GVQW3: variants seen among roughly 807,000 people sequenced by gnomAD.
GVQW3 encodes GVQW motif containing 3.
Under a neutral mutation model 12.5 loss-of-function variants are expected in GVQW3, and 7 were observed. The ratio of observed to expected loss-of-function variants is 0.56; its 90% CI spans 0.32 to 1.05. GVQW3 has a LOEUF of 1.05. Ranked by LOEUF, GVQW3 falls within the 50% of genes least tolerant of loss-of-function variation. GVQW3 has a pLI of 0.04. For missense variants in GVQW3, 188 were observed against 190.8 expected, an observed-to-expected ratio of 0.99 and a Z score of 0.09; for synonymous variants, 71 against 67.2, an observed-to-expected ratio of 1.06 and a Z score of -0.28.
Position 76,404,233 on chromosome 11 carries a change from T to G in GVQW3, c.*475T>G. The G allele has an allele frequency of 2.6e-6, 1 of 379,614 alleles. No homozygotes were observed. The highest frequency in any genetic ancestry group is 4.7e-6 in the Non-Finnish European group (1 of 213,928). 23.5% of individuals were successfully genotyped at this position (379,614 alleles called of 1,614,324 possible). ...ACAGTGAACAATTGATTGAGATAAC[T>G]CACTACCTTTGGACCAGCCATCTCC... is the stretch of plus-strand genomic sequence containing the variant. On this transcript the variant is annotated 3_prime_UTR_variant, in exon 2 of 2. Coordinates refer to ENST00000529331, the MANE Select transcript of GVQW3 (RefSeq NM_001347885.2).
intron 1 of GVQW3, among the ~76,000 whole-genome samples, chr11:76,385,482 T>C (rs947045971): frequency 2.0e-5 from 3 of 152,194 alleles, no homozygotes; most frequent in Non-Finnish European, 2.9e-5. Context: ...TTCAGACACC[T>C]CTCAGTTTAT....
At chr11:76,388,128 T>C (rs993248069) in intron 1 of GVQW3, among the ~76,000 whole-genome samples, 1 of 152,164 alleles carries the variant, frequency 6.6e-6, no homozygotes, top group African/African-American at 2.4e-5. Flanking sequence ...ACACTAAAAC[T>C]GATGCCAAGC....
chr11:76,403,719 C>T lies in GVQW3; in HGVS notation c.525C>T (p.Leu175=). Residue 175 remains leucine, a synonymous_variant, in exon 2 of 2, where the codon CTC becomes CTT. Transcript: ENST00000529331. ...LVSNSLSQGI[L]PPWPPKALGL... is the part of the protein sequence containing the mutation. ...CGAACTCCTTGTCTCAAGGGATCCT[C>T]CCACCTTGGCCTCCCAAAGCTCTGG... The T allele has an allele frequency of 2.0e-6, 1 of 488,052 alleles. No individual in the cohort carries two copies. Among genetic ancestry groups the T allele is most frequent in the Non-Finnish European group, 3.7e-6 (1 of 271,582 alleles). 30.2% of individuals were successfully genotyped at this position (488,052 alleles called of 1,614,324 possible).
At chr11:76,401,601 C>T (rs1451861890) in intron 1 of GVQW3, among the ~76,000 whole-genome samples, 3 of 151,652 alleles carry the variant, frequency 2.0e-5, no homozygotes, top group Admixed American at 6.6e-5. Flanking sequence ...GGTGAAACCT[C>T]GTCTCTACTA....
intron 1 of GVQW3, among the ~76,000 whole-genome samples, chr11:76,389,168 G>A (rs1946866570): frequency 1.3e-5 from 2 of 152,150 alleles, no homozygotes; most frequent in South Asian, 4.2e-4. Context: ...TGACAGCATG[G>A]CAAAGTGCTT....
intron 1 of GVQW3, chr11:76,393,054 T>C (rs1478099339): frequency 6.6e-6 from 1 of 152,214 alleles, no homozygotes; most frequent in African/African-American, 2.4e-5. Flanking sequence ...ACTTCACTTA[T>C]AAATGCCGCT....
At chr11:76,413,924 G>C (rs1224366437) in exon 2 of GVQW3, 6 of 152,240 alleles carry the variant, frequency 3.9e-5, no homozygotes, top group Non-Finnish European at 7.3e-5. Flanking sequence ...CCAGGAGTAG[G>C]ATCACTGAGA....
intron 1 of GVQW3, among the ~76,000 whole-genome samples, chr11:76,398,649 G>C (rs1011873841): frequency 6.6e-6 from 1 of 152,044 alleles, no homozygotes; most frequent in African/African-American, 2.4e-5. Context: ...TTTTTATGGA[G>C]TTGGTCTTGC....
chr11:76,394,387 C>A (rs1444838223), intron 1 of GVQW3, among the ~76,000 whole-genome samples: 1 of 152,036 alleles, frequency 6.6e-6, no homozygotes, highest in Non-Finnish European at 1.5e-5. Context: ...TCTCTGTCTC[C>A]ATAAGTTCAT....
chr11:76,410,630 G>A (rs978269035), downstream of GVQW3, among the ~76,000 whole-genome samples: 1 of 152,204 alleles, frequency 6.6e-6, no homozygotes, highest in Non-Finnish European at 1.5e-5. Context: ...GGAGAGAGGC[G>A]TTTCTGAGGG....
In GVQW3 at chr11:76,407,511, AG is replaced by A. The variant is rs1947052093; in HGVS notation, c.*3755del. The A allele has an allele frequency of 7.6e-6, 1 of 131,620 alleles. No individual in the cohort carries two copies. Among genetic ancestry groups the A allele is most frequent in the Non-Finnish European group, 1.6e-5 (1 of 64,094 alleles). The allele number at this position is 131,620 out of a possible 1,614,324, so 8.2% of individuals were successfully genotyped here. On this transcript the variant is annotated 3_prime_UTR_variant, in exon 2 of 2. Coordinates refer to ENST00000529331, the MANE Select transcript of GVQW3 (RefSeq NM_001347885.2). ...AGCATCGCTTGAACCTGGGAGGTGGAGGTTGCAGTGAGCTGAGATCGCACCA... is the reference window on the plus strand; with the variant it reads ...AGCATCGCTTGAACCTGGGAGGTGGAGTTGCAGTGAGCTGAGATCGCACCA...
intron 1 of GVQW3, among the ~76,000 whole-genome samples, chr11:76,399,545 C>T (rs1946969183): frequency 6.6e-6 from 1 of 152,168 alleles, no homozygotes; most frequent in Non-Finnish European, 1.5e-5. Flanking sequence ...GGGGTGCCCA[C>T]ATGTTTGGTC....
chr11:76,405,635 AC>A lies in GVQW3; in HGVS notation c.*1878del, dbSNP rs1329313831. 2 of 152,382 alleles carry A rather than the reference AC, an allele frequency of 1.3e-5. No individual in the cohort carries two copies. Among genetic ancestry groups the A allele is most frequent in the Non-Finnish European group, 2.9e-5 (2 of 68,246 alleles). The allele number at this position is 152,382 out of a possible 1,614,324, so 9.4% of individuals were successfully genotyped here. On this transcript the variant is annotated 3_prime_UTR_variant, in exon 2 of 2. Coordinates refer to ENST00000529331, the MANE Select transcript of GVQW3 (RefSeq NM_001347885.2). Reference sequence around the variant, plus strand: ...CCCTCTAAAGTCTTGTCTTGGAGTCACATGAGGTCCAAGTGGGCTTGATGAA... The same window carrying A: ...CCCTCTAAAGTCTTGTCTTGGAGTCAATGAGGTCCAAGTGGGCTTGATGAA...
downstream of GVQW3, chr11:76,413,016 T>G (rs1947091923): frequency 6.6e-6 from 1 of 152,200 alleles, no homozygotes; most frequent in East Asian, 1.9e-4. Flanking sequence ...ATTTTCTCAG[T>G]CTTTCTATCT....
At chr11:76,403,358 G>GGC (rs1307794039) in intron 1 of GVQW3, among the ~76,000 whole-genome samples, 2 of 152,180 alleles carry the variant, frequency 1.3e-5, no homozygotes, top group African/African-American at 4.8e-5. Context: ...TGATTATGGA[G>GGC]GCTGAGAAGT....
rs563356765 is a variant in GVQW3 at position 76,388,327 on chromosome 11, C to T, written c.465+6034C>T. Among the ~76,000 whole-genome samples the T allele has an allele frequency of 2.6e-4, 39 of 152,246 alleles. No homozygotes were observed. In the South Asian group the frequency reaches 7.7e-3, roughly 30 times the overall value. On this transcript the variant is annotated intron_variant, in intron 1 of 1. Coordinates refer to ENST00000529331, the MANE Select transcript of GVQW3 (RefSeq NM_001347885.2). The stretch of plus-strand genomic sequence containing the variant: ...TTACAGATACATATGTGTATTTGCA[C>T]CTTGCAACTGGTGCTGAGATCTGTC...
At chr11:76,400,978 A>C (rs1946983744) in intron 1 of GVQW3, among the ~76,000 whole-genome samples, 1 of 151,638 alleles carries the variant, frequency 6.6e-6, no homozygotes, top group African/African-American at 2.4e-5. Flanking sequence ...CAAATTTCCC[A>C]ACTCTTTCTC....
downstream of GVQW3, chr11:76,412,247 T>C (rs1168453238): frequency 2.0e-5 from 3 of 152,202 alleles, no homozygotes; most frequent in Admixed American, 6.5e-5. Flanking sequence ...ATAACTATAA[T>C]GTACTGCAGA....
chr11:76,403,861 T>C lies in GVQW3; in HGVS notation c.*103T>C. Reference sequence around the variant, plus strand: ...GCTGATGTACAAGGGCAGGAGAAGATGGATGTCACAGCTCAAGAAGCGAGA... The same window carrying C: ...GCTGATGTACAAGGGCAGGAGAAGACGGATGTCACAGCTCAAGAAGCGAGA... On this transcript the variant is annotated 3_prime_UTR_variant, in exon 2 of 2. Coordinates refer to ENST00000529331, the MANE Select transcript of GVQW3 (RefSeq NM_001347885.2). The C allele has an allele frequency of 1.4e-6, 1 of 698,960 alleles. No individual in the cohort carries two copies. The highest frequency in any genetic ancestry group is 2.6e-6 in the Non-Finnish European group (1 of 382,716). The allele number at this position is 698,960 out of a possible 1,614,324, so 43.3% of individuals were successfully genotyped here.
Sources: allele counts gnomAD v4.1 joint callset (sites outside exome capture counted in the v4.1 genomes callset), GRCh38; gene constraint gnomAD v4.1.1; transcripts MANE v1.5; gene names NCBI Gene and HGNC (gene_info 2026-07-23, HGNC 2026-07-21).